Variants in ECE1 observed in about 807,000 individuals in gnomAD.
ECE1 encodes the protein endothelin-converting enzyme 1.
A neutral mutation model predicts 98.6 loss-of-function variants in ECE1; 35 were observed. The ratio of observed to expected loss-of-function variants is 0.35; its 90% CI spans 0.27 to 0.47. ECE1 has a LOEUF of 0.47. Ranked by LOEUF, ECE1 falls within the 20% of genes least tolerant of loss-of-function variation. The probability of loss-of-function intolerance (pLI) is 1.00; values close to 1 mark genes in which losing one functional copy is unlikely to be tolerated. For missense variants in ECE1, 814 were observed against 1,025.3 expected (o/e 0.79, Z 2.81); for synonymous variants, 394 against 407.1 (o/e 0.97, Z 0.39).
intron 1 of ECE1, among the ~76,000 whole-genome samples, chr1:21,304,253 T>G (rs1229108891): frequency 6.9e-6 from 1 of 145,296 alleles, no homozygotes; most frequent in Non-Finnish European, 1.5e-5. Context: ...GAGGCGGAGC[T>G]TGCAGTGAGC....
chr1:21,273,326 T>C (rs1164838263), intron 3 of ECE1, among the ~76,000 whole-genome samples: 1 of 149,052 alleles, frequency 6.7e-6, no homozygotes, highest in Non-Finnish European at 1.5e-5. Flanking sequence ...TGCGTGAAAG[T>C]GTGTGCCCGT....
Position 21,244,819 on chromosome 1 carries a change from A to T in ECE1, c.1278+170T>A, listed in dbSNP as rs1405644950. On this transcript the variant is annotated intron_variant, in intron 10 of 18. Transcript: ENST00000374893. ...TACTGGCAACTACTTTTTGCTATAAATTGGCTGAGTGGCTAGGACTCCTCT... is the reference window on the plus strand; with the variant it reads ...TACTGGCAACTACTTTTTGCTATAATTTGGCTGAGTGGCTAGGACTCCTCT... Among the ~76,000 whole-genome samples the T allele has an allele frequency of 3.3e-5, 5 of 152,196 alleles. No individual in the cohort carries two copies. The East Asian group carries it at 9.7e-4, about 29-fold the overall frequency.
rs1639420689 is a variant in ECE1 at position 21,342,587 on chromosome 1, G to GAC, written c.3+2787_3+2788dup. Among the ~76,000 whole-genome samples the GAC allele has an allele frequency of 1.2e-4, 16 of 138,718 alleles. 1 individual carries two copies. The South Asian group carries it at 3.9e-3, about 33-fold the overall frequency. The allele number at this position is 138,718 out of a possible 152,430, so 91.0% of individuals were successfully genotyped here. On this transcript the variant is annotated intron_variant, in intron 1 of 18. Transcript: ENST00000415912. The stretch of plus-strand genomic sequence containing the variant: ...AGGACAACAGGAAACACATCACACA[G>GAC]ACACACAGACACACACAGATACACA...
rs531952113 is a variant in ECE1 at position 21,257,142 on chromosome 1, C to T, written c.828+383G>A. ...TCACTTAGCATCTCTGAGCCTGATA[C>T]CCTCTTCTGTAAAAGGCAAGACAAA... On this transcript the variant is annotated intron_variant, in intron 7 of 18. Coordinates refer to ENST00000374893, the MANE Select transcript of ECE1 (RefSeq NM_001397.3). Among the ~76,000 whole-genome samples, 404 of 152,266 alleles carry T rather than the reference C, an allele frequency of 2.7e-3. 1 individual carries two copies. The highest frequency in any genetic ancestry group is 0.024 in the Middle Eastern group (7 of 294).
chr1:21,309,359 C>T (rs1411526905), intron 1 of ECE1, among the ~76,000 whole-genome samples: 1 of 152,230 alleles, frequency 6.6e-6, no homozygotes, highest in East Asian at 1.9e-4. Flanking sequence ...CTCTGTGCCT[C>T]TGTCTTCTCA....
At chr1:21,294,720 C>T (rs1238433502), upstream of ECE1, among the ~76,000 whole-genome samples, 2 of 152,212 alleles carry the variant, frequency 1.3e-5, no homozygotes, top group African/African-American at 4.8e-5. The surrounding 1 kb of genome is among the most constrained non-coding windows in gnomAD (Gnocchi z 4.2). Context: ...ATTAGTCACT[C>T]ATATGGCTCT....
At chr1:21,326,551 C>A (rs1421954409) in intron 1 of ECE1, among the ~76,000 whole-genome samples, 1 of 151,620 alleles carries the variant, frequency 6.6e-6, no homozygotes, top group Non-Finnish European at 1.5e-5. Context: ...AAGAGAGATC[C>A]AAATCTTAAG....
intron 8 of ECE1, among the ~76,000 whole-genome samples, chr1:21,254,107 C>T (rs2098216865): frequency 6.6e-6 from 1 of 150,622 alleles, no homozygotes; most frequent in African/African-American, 2.4e-5. Flanking sequence ...AACCACAGTC[C>T]CTTGTGAGGG....
At chr1:21,263,895 AC>A (rs2098230412) in intron 4 of ECE1, among the ~76,000 whole-genome samples, 1 of 151,694 alleles carries the variant, frequency 6.6e-6, no homozygotes, top group African/African-American at 2.4e-5. Flanking sequence ...TTTCCTCCTC[AC>A]TCAGGGAGCA....
intron 1 of ECE1, among the ~76,000 whole-genome samples, chr1:21,341,656 T>A (rs1321816078): frequency 6.6e-6 from 1 of 152,178 alleles, no homozygotes; most frequent in Non-Finnish European, 1.5e-5. Flanking sequence ...TAAGGAGGCC[T>A]CAGTAGCCCA....
rs34861827 is a variant in ECE1 at position 21,301,827 on chromosome 1, GAAAAAAAA to G, written c.4-11679_4-11672del. Among the ~76,000 whole-genome samples, 284 of 33,938 alleles carry G rather than the reference GAAAAAAAA, an allele frequency of 8.4e-3. 1 individual carries two copies. Among genetic ancestry groups the G allele is most frequent in the South Asian group, 0.074 (63 of 852 alleles). 22.3% of individuals were successfully genotyped at this position (33,938 alleles called of 152,430 possible). A position where few individuals can be genotyped will look rare whatever the true frequency, so the allele number is the denominator to read the frequency against. On this transcript the variant is annotated intron_variant, in intron 1 of 18. Transcript: ENST00000415912. Reference sequence around the variant, plus strand: ...GGTGACAGAGTGAGACCCTGTCTCAGAAAAAAAAAAAAAAAAAAAAAAAAAAAGGCCAA... The same window carrying G: ...GGTGACAGAGTGAGACCCTGTCTCAGAAAAAAAAAAAAAAAAAAAGGCCAA...
intron 1 of ECE1, among the ~76,000 whole-genome samples, chr1:21,333,789 G>A (rs144579179): frequency 0.057 from 8,633 of 151,928 alleles, 828 homozygotes; most frequent in African/African-American, 0.19. Flanking sequence ...AGCTGAGATC[G>A]TGCCACTGCA....
intron 8 of ECE1, among the ~76,000 whole-genome samples, chr1:21,251,832 C>CT (rs1463403039): frequency 2.0e-5 from 3 of 152,210 alleles, no homozygotes; most frequent in Non-Finnish European, 4.4e-5. Flanking sequence ...ATCTGTGCCT[C>CT]TTATACCTGC....
chr1:21,264,994 C>T (rs569235754), intron 4 of ECE1, among the ~76,000 whole-genome samples: 81 of 152,298 alleles, frequency 5.3e-4, no homozygotes, highest in African/African-American at 1.8e-3. Context: ...CCTCTCTGGC[C>T]CCATGCCCTA....
At chr1:21,242,610 C>T (rs2098197971) in intron 10 of ECE1, among the ~76,000 whole-genome samples, 1 of 152,106 alleles carries the variant, frequency 6.6e-6, no homozygotes, top group South Asian at 2.1e-4. Flanking sequence ...ACCCATCAGC[C>T]CTGGGGTATC....
At chr1:21,227,452 C>A (rs1254149567) in intron 15 of ECE1, among the ~76,000 whole-genome samples, 2 of 152,186 alleles carry the variant, frequency 1.3e-5, no homozygotes, top group Admixed American at 1.3e-4. Flanking sequence ...GGGCACCATG[C>A]GCTGTGCTAG....
intron 13 of ECE1, among the ~76,000 whole-genome samples, chr1:21,234,421 T>C (rs897266836): frequency 6.6e-6 from 1 of 150,484 alleles, no homozygotes; most frequent in Non-Finnish European, 1.5e-5. Flanking sequence ...TAGAAATCTA[T>C]CTGAACTGTC....
intron 11 of ECE1, 118 bp from the exon 12 acceptor site, chr1:21,236,962 C>G: frequency 9.8e-7 from 1 of 1,018,250 alleles, no homozygotes; most frequent in South Asian, 1.3e-5. Context: ...AAGCGTCAGG[C>G]TGGGTGAGAA....
At chr1:21,256,212 T>C in intron 7 of ECE1, 74 bp from the exon 8 acceptor site, 1 of 1,512,654 alleles carries the variant, frequency 6.6e-7, no homozygotes. Context: ...GTGGGGGGCT[T>C]GGCCAGCCAA....
Sources: allele counts gnomAD v4.1 joint callset (sites outside exome capture counted in the v4.1 genomes callset), GRCh38; gene constraint gnomAD v4.1.1; non-coding constraint Gnocchi (gnomAD v3.1); transcripts MANE v1.5; gene names NCBI Gene and HGNC (gene_info 2026-07-23, HGNC 2026-07-21).